APLP2: variants seen among roughly 807,000 people sequenced by gnomAD.
APLP2 encodes CDEI box-binding protein.
APLP2 carries 53 observed loss-of-function variants against 89.9 expected under a neutral mutation model. That is an observed-to-expected ratio of 0.59 (90% confidence interval 0.47 to 0.74). The LOEUF (loss-of-function observed/expected upper bound fraction) is 0.74. APLP2 is among the 30% of genes least tolerant of loss of function. APLP2 has a pLI of 0.00. For missense variants in APLP2, 973 were observed against 975.9 expected, an observed-to-expected ratio of 1.00 and a Z score of 0.04; for synonymous variants, 372 against 348.6, an observed-to-expected ratio of 1.07 and a Z score of -0.75.
intron 1 of APLP2, among the ~76,000 whole-genome samples, chr11:130,094,540 A>G (rs1565564054): frequency 6.6e-6 from 1 of 152,244 alleles, no homozygotes; most frequent in Non-Finnish European, 1.5e-5. Context: ...AGGATTGGGA[A>G]GATTGGCTTT....
intron 10 of APLP2, among the ~76,000 whole-genome samples, chr11:130,129,436 C>G (rs769543154): frequency 6.6e-6 from 1 of 152,170 alleles, no homozygotes; most frequent in Non-Finnish European, 1.5e-5. Flanking sequence ...AAGTGTTTTA[C>G]GCTGGAAAAG....
chr11:130,103,597 G>C (rs1947235423), intron 1 of APLP2, among the ~76,000 whole-genome samples: 1 of 152,172 alleles, frequency 6.6e-6, no homozygotes, highest in Non-Finnish European at 1.5e-5. Context: ...TATACAGTTG[G>C]AACTCTTGCG....
Position 130,143,544 on chromosome 11 carries a change from G to A in APLP2, c.*96G>A. The A allele has an allele frequency of 9.6e-7, 1 of 1,039,608 alleles. No individual in the cohort carries two copies. Among genetic ancestry groups the A allele is most frequent in the Non-Finnish European group, 1.5e-6 (1 of 671,244 alleles). 64.4% of individuals were successfully genotyped at this position (1,039,608 alleles called of 1,614,324 possible). ...TGCCAAGCAGCAGCCGCTGCCAGGG[G>A]CTGCGTCTGACATCCTGACCTCCTG... On this transcript the variant is annotated 3_prime_UTR_variant, in exon 17 of 17. Transcript: ENST00000338167.
chr11:130,141,423 G>C lies in APLP2; in HGVS notation c.1924-75G>C. Reference sequence around the variant, plus strand: ...TCCTTCCATCAAGCAGCAGGTAGCAGAGGAAGGAGGCAGTAAATACCAAAC... The same window carrying C: ...TCCTTCCATCAAGCAGCAGGTAGCACAGGAAGGAGGCAGTAAATACCAAAC... On this transcript the variant is annotated intron_variant, in intron 14 of 16. Coordinates refer to ENST00000338167, the MANE Select transcript of APLP2 (RefSeq NM_001142276.2). The surrounding 1 kb of genome is among the most constrained non-coding windows in gnomAD (Gnocchi z 4.2). 1 of 1,215,666 alleles carries C rather than the reference G, an allele frequency of 8.2e-7. No individual in the cohort carries two copies. The allele number at this position is 1,215,666 out of a possible 1,614,324, so 75.3% of individuals were successfully genotyped here.
intron 1 of APLP2, among the ~76,000 whole-genome samples, chr11:130,095,297 A>C (rs148743408): frequency 0.011 from 1,693 of 152,300 alleles, 18 homozygotes; most frequent in Non-Finnish European, 0.018. Context: ...GCTTGAGTGC[A>C]GGAGTTTGAG....
chr11:130,082,099 A>G (rs1388424478), intron 1 of APLP2, among the ~76,000 whole-genome samples: 1 of 152,176 alleles, frequency 6.6e-6, no homozygotes, highest in East Asian at 1.9e-4. Context: ...TCTGTTGGAG[A>G]GATGGTAGTC....
intron 1 of APLP2, among the ~76,000 whole-genome samples, chr11:130,074,982 G>C (rs1030856135): frequency 6.6e-6 from 1 of 152,112 alleles, no homozygotes; most frequent in African/African-American, 2.4e-5. Context: ...AGATTACCTT[G>C]AAGTTTAATT....
At chr11:130,100,667 A>G (rs1336699063) in intron 1 of APLP2, among the ~76,000 whole-genome samples, 1 of 152,224 alleles carries the variant, frequency 6.6e-6, no homozygotes, top group Admixed American at 6.5e-5. Flanking sequence ...TACCTCATTT[A>G]TACTTTAATA....
At chr11:130,109,851 A>G (rs1313448756) in intron 2 of APLP2, 1 of 385,568 alleles carries the variant, frequency 2.6e-6, no homozygotes, top group Non-Finnish European at 4.6e-6. Context: ...GTGCCATGGG[A>G]GTGCAGCCTG....
At chr11:130,137,281 A>G (rs1257393928) in intron 13 of APLP2, 3 of 1,613,962 alleles carry the variant, frequency 1.9e-6, no homozygotes, top group Admixed American at 1.7e-5. Context: ...TGTACCACCC[A>G]ATGAAAAAAG....
intron 3 of APLP2, chr11:130,114,167 C>T (rs1226884055): frequency 6.6e-6 from 1 of 152,204 alleles, no homozygotes; most frequent in African/African-American, 2.4e-5. Context: ...GTTCTAATAA[C>T]ATCCAGGATC....
chr11:130,070,515 C>G, intron 1 of APLP2: 1 of 1,229,644 alleles, frequency 8.1e-7, no homozygotes, highest in Non-Finnish European at 1.0e-6. Flanking sequence ...CTCCCTCGCG[C>G]GGCACCGGGG....
At chr11:130,104,555 A>G (rs997982580) in intron 1 of APLP2, among the ~76,000 whole-genome samples, 1 of 152,110 alleles carries the variant, frequency 6.6e-6, no homozygotes, top group Non-Finnish European at 1.5e-5. Flanking sequence ...GATTAAGCAC[A>G]TCTGTCTTGT....
chr11:130,124,478 A>T (rs1479698213), intron 7 of APLP2, among the ~76,000 whole-genome samples: 1 of 152,114 alleles, frequency 6.6e-6, no homozygotes, highest in Non-Finnish European at 1.5e-5. Flanking sequence ...AAGAGTTTCT[A>T]CCAAGAGTTT....
At chr11:130,085,367 G>C (rs1943939889) in intron 1 of APLP2, among the ~76,000 whole-genome samples, 1 of 152,080 alleles carries the variant, frequency 6.6e-6, no homozygotes, top group South Asian at 2.1e-4. Flanking sequence ...CAGGAGAATT[G>C]CTTGAACCTG....
chr11:130,110,187 T>G (rs891027165), intron 2 of APLP2, among the ~76,000 whole-genome samples: 1 of 152,214 alleles, frequency 6.6e-6, no homozygotes, highest in Non-Finnish European at 1.5e-5. Flanking sequence ...TTGACAGATG[T>G]TTCCATAGAC....
At position 130,141,981 on chromosome 11, in the gene APLP2, G is replaced by A; in HGVS notation, c.2061G>A (p.Leu687=). Residue 687 remains leucine (L), a synonymous_variant, in exon 16 of 17, where the codon CTG becomes CTA. Transcript: ENST00000338167. This position sits in a 1 kb window ranked among gnomAD's most constrained non-coding sequence, Gnocchi z 4.2. ...SLSSSALIGL[L]VIAVAIATVI... is the part of the protein sequence containing the mutation. ...GTAGCAGTGCTCTCATTGGCCTGCT[G>A]GTCATCGCAGTGGCCATTGCCACGG... 1.2e-6 allele frequency: 2 copies of A among 1,614,108 alleles called. No individual in the cohort carries two copies. The highest frequency in any genetic ancestry group is 1.7e-6 in the Non-Finnish European group (2 of 1,180,010).
intron 1 of APLP2, chr11:130,070,638 C>G: frequency 2.7e-6 from 4 of 1,460,466 alleles, no homozygotes; most frequent in African/African-American, 1.5e-5. Context: ...GGGGAGCTCC[C>G]GCGCCAGGCC....
intron 1 of APLP2, among the ~76,000 whole-genome samples, chr11:130,076,832 C>G (rs1290252818): frequency 6.6e-6 from 1 of 152,164 alleles, no homozygotes; most frequent in Non-Finnish European, 1.5e-5. Flanking sequence ...CATAAGACCC[C>G]TCAGGTGTCA....
Sources: gnomAD v4.1 joint callset for allele counts (sites outside exome capture counted in the v4.1 genomes callset) on GRCh38, gnomAD v4.1.1 for gene constraint, Gnocchi (gnomAD v3.1) non-coding constraint, MANE v1.5 for transcripts, NCBI Gene and HGNC (gene_info 2026-07-23, HGNC 2026-07-21) for gene names.